Variants in MEI1 observed in about 807,000 individuals in gnomAD.
MEI1 encodes the protein meiosis inhibitor protein 1.
A neutral mutation model predicts 146.2 loss-of-function variants in MEI1; 103 were observed. That is an observed-to-expected ratio of 0.70 (90% CI 0.60 to 0.83). The LOEUF (loss-of-function observed/expected upper bound fraction) is 0.83, where lower values mean the gene tolerates loss of function less well. MEI1 is among the 40% of genes least tolerant of loss of function. The probability of loss-of-function intolerance (pLI) is 0.00; values close to 1 mark genes in which losing one functional copy is unlikely to be tolerated. For missense variants in MEI1, 1,529 were observed against 1,533.0 expected, an observed-to-expected ratio of 1.00 and a Z score of 0.04; for synonymous variants, 652 against 628.2, an observed-to-expected ratio of 1.04 and a Z score of -0.57.
At chr22:41,715,980 T>C in intron 4 of MEI1, 61 bp from the exon 5 acceptor site, 3 of 1,236,970 alleles carry the variant, frequency 2.4e-6, no homozygotes, top group Non-Finnish European at 3.4e-6. Flanking sequence ...GAAAGATCAG[T>C]TTTGGTGGAA....
chr22:41,732,719 G>T, intron 11 of MEI1, 116 bp downstream of exon 11: 2 of 1,157,150 alleles, frequency 1.7e-6, no homozygotes, highest in Non-Finnish European at 2.4e-6. Flanking sequence ...TAATATAGTT[G>T]GCCCTTCATA....
At chr22:41,738,872 C>T (rs938086530) in intron 11 of MEI1, among the ~76,000 whole-genome samples, 5 of 150,910 alleles carry the variant, frequency 3.3e-5, no homozygotes, top group African/African-American at 4.9e-5. Context: ...GGAGGTAAGG[C>T]GGGAGGATCA....
rs552520888 is a variant in MEI1 at position 41,766,544 on chromosome 22, T to G, written c.2268+3223T>G. ...TCTTTCTTTTTATTATTCATTTTAC[T>G]CAATATTATTATTATTTTTCGAGAC... On this transcript the variant is annotated intron_variant, in intron 19 of 30. Coordinates refer to ENST00000401548, the MANE Select transcript of MEI1 (RefSeq NM_152513.4). 2.6e-3 allele frequency among the ~76,000 whole-genome samples: 391 copies of G among 151,916 alleles called. 2 individuals carry two copies. Among genetic ancestry groups the G allele is most frequent in the African/African-American group, 8.9e-3 (368 of 41,418 alleles).
Position 41,732,356 on chromosome 22 carries a change from G to A in MEI1, c.1196+12G>A. On this transcript the variant is annotated intron_variant, in intron 10 of 30. Transcript: ENST00000401548. The stretch of plus-strand genomic sequence containing the variant: ...GAAATCCTGACCCGGTGAGCAAAGT[G>A]GTGGAACATGAGGCTTGTAGGGGCC... 1 of 1,613,374 alleles carries A rather than the reference G, an allele frequency of 6.2e-7. No individual in the cohort carries two copies. Among genetic ancestry groups the A allele is most frequent in the Non-Finnish European group, 8.5e-7 (1 of 1,179,574 alleles).
At position 41,705,590 on chromosome 22, in the gene MEI1, A is replaced by G. The variant is rs149161286; in HGVS notation, c.349+36A>G. ...ACCTTGTATCTAGCACTTGAAGATG[A>G]AAGTATTAGTCTGAATTGCAGCTCT... On this transcript the variant is annotated intron_variant, in intron 3 of 30. Transcript: ENST00000401548. 1,313 of 1,580,738 alleles carry G rather than the reference A, an allele frequency of 8.3e-4. 13 individuals carry two copies. The highest frequency in any genetic ancestry group is 1.2e-4 in the Non-Finnish European group (138 of 1,149,694).
chr22:41,718,176 C>A lies in MEI1; in HGVS notation c.635C>A (p.Ala212Asp). Residue 212 changes from alanine (A) to aspartate (D), a missense_variant, in exon 6 of 31, where the codon GCT becomes GAT. Physicochemically the swap from Ala to Asp is moderately radical, Grantham distance 126. Coordinates refer to ENST00000401548, the MANE Select transcript of MEI1 (RefSeq NM_152513.4). ...YGKLYSSPVA[A>D]EMLSGHFREK... is the part of the protein sequence containing the mutation. The stretch of plus-strand genomic sequence containing the variant: ...AAGCTATACTCCTCACCAGTGGCAG[C>A]TGAGATGCTTTCAGGACACTTCCGT... 6.2e-7 allele frequency: 1 copy of A among 1,613,930 alleles called. No individual in the cohort carries two copies. The highest frequency in any genetic ancestry group is 1.7e-5 in the Admixed American group (1 of 60,006).
intron 17 of MEI1, among the ~76,000 whole-genome samples, chr22:41,754,274 A>T (rs2073954075): frequency 6.6e-6 from 1 of 152,086 alleles, no homozygotes; most frequent in Non-Finnish European, 1.5e-5. Flanking sequence ...GTTGAGAAGG[A>T]TCCTAATGTT....
rs950522878 is a variant in MEI1, at chr22:41,745,057, G to T, written c.1531G>T (p.Ala511Ser). ...LLSTLEGFRS[A>S]CRLAIEFQSE... ...CAGCACTCTGGAGGGATTTAGAAGT[G>T]CCTGCAGGTGAGGGGCCCTCTGAGG... The change falls in exon 13 of 31, where the codon GCC becomes TCC. Residue 511 changes from alanine (A) to serine (S), a missense_variant. By Grantham distance (99) the Ala-to-Ser change is moderately conservative. This residue lies in a region of MEI1 where 1,212 missense variants were observed against 1,178.9 expected (regional missense o/e 1.03). Transcript: ENST00000401548. 5.2e-6 allele frequency: 8 copies of T among 1,546,984 alleles called. No homozygotes were observed. Among genetic ancestry groups the T allele is most frequent in the Non-Finnish European group, 7.0e-6 (8 of 1,145,148 alleles).
chr22:41,709,062 G>C (rs960447626), intron 3 of MEI1, among the ~76,000 whole-genome samples: 1 of 152,224 alleles, frequency 6.6e-6, no homozygotes, highest in Non-Finnish European at 1.5e-5. Context: ...CATTCTATTA[G>C]TGACATATGC....
intron 1 of MEI1, 29 bp downstream of exon 1, chr22:41,699,741 C>G: frequency 1.3e-6 from 2 of 1,531,564 alleles, no homozygotes; most frequent in Non-Finnish European, 1.8e-6. Context: ...CTTCAGAAGA[C>G]CTGGGTTTGG....
chr22:41,798,754 G>A (rs1250821927), intron 30 of MEI1, among the ~76,000 whole-genome samples: 1 of 151,962 alleles, frequency 6.6e-6, no homozygotes, highest in Non-Finnish European at 1.5e-5. Flanking sequence ...TGTAATCCAA[G>A]CTACTTGGGA....
At chr22:41,728,961 C>A (rs891917507) in intron 7 of MEI1, among the ~76,000 whole-genome samples, 10 of 151,448 alleles carry the variant, frequency 6.6e-5, no homozygotes, top group African/African-American at 2.4e-4. Context: ...GTCAGGAGTT[C>A]GAGACCAGCC....
intron 11 of MEI1, among the ~76,000 whole-genome samples, chr22:41,738,447 C>A (rs905269003): frequency 1.3e-5 from 2 of 152,132 alleles, no homozygotes; most frequent in African/African-American, 2.4e-5. Flanking sequence ...ATTAGCTGAG[C>A]ACAGTGGCGG....
intron 22 of MEI1, among the ~76,000 whole-genome samples, chr22:41,779,721 C>CT (rs1422813846): frequency 6.6e-6 from 1 of 152,084 alleles, no homozygotes; most frequent in African/African-American, 2.4e-5. Flanking sequence ...ATGCAGATTC[C>CT]TTTTTTCCTG....
intron 26 of MEI1, among the ~76,000 whole-genome samples, chr22:41,785,563 AT>A (rs947088591): frequency 1.2e-3 from 183 of 150,596 alleles, no homozygotes; most frequent in African/African-American, 4.2e-3. Flanking sequence ...CACCTGGCCT[AT>A]TTATTTATTT....
chr22:41,707,410 G>A (rs192377611), intron 3 of MEI1, among the ~76,000 whole-genome samples: 25 of 152,262 alleles, frequency 1.6e-4, no homozygotes, highest in Non-Finnish European at 2.2e-4. Context: ...AGATAATACC[G>A]TTGTCTCTGG....
At chr22:41,733,316 G>C (rs184155161) in intron 11 of MEI1, among the ~76,000 whole-genome samples, 4 of 152,054 alleles carry the variant, frequency 2.6e-5, no homozygotes, top group Non-Finnish European at 5.9e-5. Flanking sequence ...CAGGCATGTT[G>C]GTGCACACCT....
chr22:41,724,147 A>G (rs973897599), intron 7 of MEI1, 74 bp downstream of exon 7: 14 of 1,542,404 alleles, frequency 9.1e-6, no homozygotes, highest in African/African-American at 4.1e-5. Flanking sequence ...CCTTGTCTTC[A>G]TCTACCACTC....
intron 3 of MEI1, among the ~76,000 whole-genome samples, chr22:41,712,809 G>GT (rs1394700744): frequency 0.022 from 2,823 of 127,356 alleles, 159 homozygotes; most frequent in African/African-American, 0.036. Context: ...TTGTTTGTTT[G>GT]TTTTTTTTTT....
Sources: allele counts gnomAD v4.1 joint callset (sites outside exome capture counted in the v4.1 genomes callset), GRCh38; gene constraint gnomAD v4.1.1; regional missense constraint gnomAD v4.1.1; transcripts MANE v1.5; gene names NCBI Gene and HGNC (gene_info 2026-07-23, HGNC 2026-07-21).